The following MAGI2 variants were observed in gnomAD, a reference collection of about 807,000 sequenced individuals.
The protein encoded by MAGI2 is membrane-associated guanylate kinase, WW and PDZ domain-containing protein 2.
MAGI2 carries 35 observed loss-of-function variants against 133.3 expected under a neutral mutation model. The ratio of observed to expected loss-of-function variants is 0.26; its 90% CI spans 0.20 to 0.35. MAGI2 has a LOEUF of 0.35. Among genes scored for constraint, MAGI2 ranks in the 10% least tolerant of loss-of-function variants. The probability of loss-of-function intolerance (pLI) is 1.00; values close to 1 mark genes in which losing one functional copy is unlikely to be tolerated. For synonymous variants in MAGI2, 729 were observed against 710.6 expected, an observed-to-expected ratio of 1.03 and a Z score of -0.41; for missense variants, 1,636 against 1,863.4, an observed-to-expected ratio of 0.88 and a Z score of 2.25.
chr7:79,287,309 G>A (rs1380007850), intron 1 of MAGI2, among the ~76,000 whole-genome samples: 5 of 152,146 alleles, frequency 3.3e-5, no homozygotes, highest in African/African-American at 2.4e-5. Flanking sequence ...CCTCCGCAGG[G>A]CTTCTATATC....
chr7:78,581,016 A>T (rs1802781194), intron 3 of MAGI2, among the ~76,000 whole-genome samples: 1 of 152,184 alleles, frequency 6.6e-6, no homozygotes, highest in African/African-American at 2.4e-5. Flanking sequence ...GTCTTTTTGA[A>T]TTATGATGGT....
intron 9 of MAGI2, among the ~76,000 whole-genome samples, chr7:78,294,199 A>C (rs889003718): frequency 6.6e-6 from 1 of 152,120 alleles, no homozygotes; most frequent in Non-Finnish European, 1.5e-5. Context: ...TAGACTGTGA[A>C]CTTCCAGTGA....
chr7:78,782,577 A>T (rs2151344869), intron 2 of MAGI2, among the ~76,000 whole-genome samples: 1 of 152,242 alleles, frequency 6.6e-6, no homozygotes, highest in East Asian at 1.9e-4. Flanking sequence ...ACAGCCAGGA[A>T]GGGCCTAGGT....
intron 3 of MAGI2, among the ~76,000 whole-genome samples, chr7:78,602,762 G>A (rs1470249540): frequency 2.0e-5 from 3 of 152,160 alleles, no homozygotes; most frequent in East Asian, 3.9e-4. Context: ...TGCTTATTAT[G>A]ATCATTTAAA....
At chr7:78,087,828 G>A (rs1255335274) in intron 20 of MAGI2, among the ~76,000 whole-genome samples, 2 of 152,210 alleles carry the variant, frequency 1.3e-5, no homozygotes, top group African/African-American at 4.8e-5. Flanking sequence ...AGACATGAAT[G>A]TGAAGAAAGA....
At chr7:78,237,302 GTTATT>G (rs1222954887) in intron 10 of MAGI2, among the ~76,000 whole-genome samples, 2 of 152,122 alleles carry the variant, frequency 1.3e-5, no homozygotes, top group Admixed American at 6.6e-5. Flanking sequence ...GTTGCTTTAT[GTTATT>G]TTATTTTTAC....
At chr7:79,332,719 C>A (rs939755398) in intron 1 of MAGI2, among the ~76,000 whole-genome samples, 1 of 152,256 alleles carries the variant, frequency 6.6e-6, no homozygotes, top group East Asian at 1.9e-4. Flanking sequence ...TAATTCTAAG[C>A]ATTTTATTTA....
At chr7:78,739,876 T>A (rs1002754984) in intron 2 of MAGI2, among the ~76,000 whole-genome samples, 8 of 152,062 alleles carry the variant, frequency 5.3e-5, no homozygotes, top group Non-Finnish European at 1.2e-4. Flanking sequence ...TATGATAACC[T>A]GGCCAGGCGC....
rs848938 is a variant in MAGI2 at position 79,378,972 on chromosome 7, T to A, written c.301+74048A>T. Among the ~76,000 whole-genome samples, 196 of 76,606 alleles carry A rather than the reference T, an allele frequency of 2.6e-3. 1 individual carries two copies. Among genetic ancestry groups the A allele is most frequent in the African/African-American group, 9.0e-3 (183 of 20,260 alleles). The allele number at this position is 76,606 out of a possible 152,430, so 50.3% of individuals were successfully genotyped here. Reference sequence around the variant, plus strand: ...TATATATATATATATATATATATATTAAACTTTAAGTTCTAGGGTACATGT... The same window carrying A: ...TATATATATATATATATATATATATAAAACTTTAAGTTCTAGGGTACATGT... On this transcript the variant is annotated intron_variant, in intron 1 of 21. Transcript: ENST00000354212.
intron 9 of MAGI2, among the ~76,000 whole-genome samples, chr7:78,311,129 C>T (rs1031793122): frequency 1.3e-5 from 2 of 152,170 alleles, no homozygotes; most frequent in African/African-American, 4.8e-5. Context: ...ACTCACCTTA[C>T]ATTACACAGC....
intron 1 of MAGI2, chr7:79,413,351 G>C (rs1304352546): frequency 6.6e-6 from 1 of 152,100 alleles, no homozygotes; most frequent in Non-Finnish European, 1.5e-5. Context: ...CAAGTGCAAT[G>C]GAAAGTCCTG....
In MAGI2 at chr7:78,573,365, A is replaced by AATATATATATATATAT. The variant is rs58739225; in HGVS notation, c.539-51736_539-51721dup. The stretch of plus-strand genomic sequence containing the variant: ...ATATATAGAGAGAGAGAATCCTGGA[A>AATATATATATATATAT]ATATATATATATATATATATATATA... On this transcript the variant is annotated intron_variant, in intron 3 of 21. Transcript: ENST00000354212. 3.9e-3 allele frequency among the ~76,000 whole-genome samples: 112 copies of AATATATATATATATAT among 29,018 alleles called. 8 individuals are homozygous for AATATATATATATATAT. The highest frequency in any genetic ancestry group is 6.3e-3 in the East Asian group (3 of 480). The allele number at this position is 29,018 out of a possible 152,430, so 19.0% of individuals were successfully genotyped here. A position where few individuals can be genotyped will look rare whatever the true frequency, so the allele number is the denominator to read the frequency against.
At chr7:79,027,876 G>A (rs1054555797) in intron 1 of MAGI2, among the ~76,000 whole-genome samples, 4 of 151,876 alleles carry the variant, frequency 2.6e-5, no homozygotes, top group East Asian at 1.9e-4. Flanking sequence ...TAAAAATAAC[G>A]GAGGCTACAA....
chr7:79,451,595 G>A (rs1445035076), intron 1 of MAGI2, among the ~76,000 whole-genome samples: 2 of 152,060 alleles, frequency 1.3e-5, no homozygotes, highest in African/African-American at 4.8e-5. Context: ...TTCTTGTATG[G>A]CAATTTACAT....
chr7:78,920,212 G>A (rs1003433956), intron 2 of MAGI2, among the ~76,000 whole-genome samples: 1 of 152,072 alleles, frequency 6.6e-6, no homozygotes, highest in Non-Finnish European at 1.5e-5. Flanking sequence ...CAAAATGATT[G>A]GATGTGAATT....
intron 21 of MAGI2, among the ~76,000 whole-genome samples, chr7:78,074,463 G>A (rs1815059573): frequency 6.6e-6 from 1 of 152,046 alleles, no homozygotes; most frequent in African/African-American, 2.4e-5. Context: ...GATATCAAAA[G>A]GAGGACTGGT....
At chr7:79,121,341 A>G (rs981887124) in intron 1 of MAGI2, among the ~76,000 whole-genome samples, 4 of 152,104 alleles carry the variant, frequency 2.6e-5, no homozygotes, top group Non-Finnish European at 5.9e-5. Flanking sequence ...AGGCTCTTGT[A>G]TGCTTTACTT....
At chr7:79,320,738 T>C (rs1365391869) in intron 1 of MAGI2, among the ~76,000 whole-genome samples, 2 of 152,124 alleles carry the variant, frequency 1.3e-5, no homozygotes, top group African/African-American at 4.8e-5. Flanking sequence ...TAATTTCAAA[T>C]GTTGCAGGCC....
At chr7:78,065,528 C>T (rs1813723960) in intron 21 of MAGI2, 3 of 643,008 alleles carry the variant, frequency 4.7e-6, no homozygotes, top group Non-Finnish European at 8.3e-6. Context: ...ATATGCAAAA[C>T]CAAGGCTCAT....
Sources: gnomAD v4.1 joint callset for allele counts (sites outside exome capture counted in the v4.1 genomes callset) on GRCh38, gnomAD v4.1.1 for gene constraint, MANE v1.5 for transcripts, NCBI Gene and HGNC (gene_info 2026-07-23, HGNC 2026-07-21) for gene names.